The following RREB1 variants were observed in gnomAD, a reference collection of about 807,000 sequenced individuals.
RREB1 encodes ras responsive element binding protein 1, also known as ras-responsive element-binding protein 1.
RREB1 carries 27 observed loss-of-function variants against 117.8 expected under a neutral mutation model. The ratio of observed to expected loss-of-function variants is 0.23; its 90% CI spans 0.17 to 0.32. The LOEUF (loss-of-function observed/expected upper bound fraction) is 0.32. RREB1 is among the 10% of genes least tolerant of loss of function. The pLI is 1.00. For missense variants in RREB1, 2,577 were observed against 2,378.2 expected (o/e 1.08, Z -1.74); for synonymous variants, 1,298 against 1,026.7 (o/e 1.26, Z -5.05).
intron 1 of RREB1, chr6:7,108,828 G>A (rs1341686951): frequency 6.6e-6 from 1 of 151,780 alleles, no homozygotes; most frequent in African/African-American, 2.4e-5. Flanking sequence ...CCGGCCGGGA[G>A]GGGGCCGCGG....
Position 7,232,075 on chromosome 6 carries a change from A to G in RREB1, c.3808+168A>G, listed in dbSNP as rs145054517. On this transcript the variant is annotated intron_variant, in intron 10 of 12. Coordinates refer to ENST00000379938, the MANE Select transcript of RREB1 (RefSeq NM_001003699.4). ...CTTGTCTGGTGGTGCTGTATTTCCTATGTGCTCTCAGTACCCACATGGCCT... is the reference window on the plus strand; with the variant it reads ...CTTGTCTGGTGGTGCTGTATTTCCTGTGTGCTCTCAGTACCCACATGGCCT... Among the ~76,000 whole-genome samples, 256 of 152,160 alleles carry G rather than the reference A, an allele frequency of 1.7e-3. 2 individuals are homozygous for G. Among genetic ancestry groups the G allele is most frequent in the African/African-American group, 5.6e-3 (232 of 41,520 alleles).
chr6:7,132,129 A>T (rs1429171992), intron 1 of RREB1, among the ~76,000 whole-genome samples: 1 of 152,116 alleles, frequency 6.6e-6, no homozygotes, highest in Non-Finnish European at 1.5e-5. Flanking sequence ...ATCTCGGCTC[A>T]CTGCAGCCTC....
chr6:7,234,747 G>A (rs1443570684), intron 10 of RREB1, among the ~76,000 whole-genome samples: 1 of 152,226 alleles, frequency 6.6e-6, no homozygotes, highest in African/African-American at 2.4e-5. Context: ...TGTCATCCAT[G>A]TGTTGCCACA....
intron 10 of RREB1, among the ~76,000 whole-genome samples, chr6:7,238,056 A>G (rs1768455169): frequency 6.6e-6 from 1 of 152,242 alleles, no homozygotes; most frequent in Admixed American, 6.5e-5. Context: ...TTTGAAATCA[A>G]GAATCCTATC....
intron 3 of RREB1, 180 bp from the exon 4 acceptor site, chr6:7,181,690 A>G (rs1033329767): frequency 2.2e-5 from 14 of 631,352 alleles, no homozygotes; most frequent in Admixed American, 8.6e-5. Context: ...TGGTATGCCA[A>G]GACTTGGTTT....
At position 7,189,630 on chromosome 6, in the gene RREB1, T is replaced by C. The variant is rs139503965; in HGVS notation, c.425+308T>C. ...AGATTATCACATGTAAGAGAGGAAC[T>C]CTCCATGAGTAGCATCCACGTAACC... On this transcript the variant is annotated intron_variant, in intron 6 of 12. Coordinates refer to ENST00000379938, the MANE Select transcript of RREB1 (RefSeq NM_001003699.4). Among the ~76,000 whole-genome samples, 20 of 152,124 alleles carry C rather than the reference T, an allele frequency of 1.3e-4. No individual in the cohort carries two copies. In the East Asian group the frequency reaches 3.9e-3, roughly 29 times the overall value.
chr6:7,230,274 C>T lies in RREB1; in HGVS notation c.2175C>T (p.Ala725=), dbSNP rs1043377548. Residue 725 remains alanine, a synonymous_variant, in exon 10 of 13, where the codon GCC becomes GCT. Transcript: ENST00000379938. ...ACCTGCGCAAGAAGCACCTCAAGGC[C>T]ACCCGCAAGGATATCGAGAAGAACA... ...ERHLRKKHLK[A]TRKDIEKNIE... 2 of 1,598,840 alleles carry T rather than the reference C, an allele frequency of 1.3e-6. No homozygotes were observed. The highest frequency in any genetic ancestry group is 1.7e-6 in the Non-Finnish European group (2 of 1,178,656).
chr6:7,234,432 T>A (rs1175769476), intron 10 of RREB1, among the ~76,000 whole-genome samples: 1 of 152,144 alleles, frequency 6.6e-6, no homozygotes, highest in Non-Finnish European at 1.5e-5. Context: ...TTTTTAAGAG[T>A]TGTGCCCATG....
intron 5 of RREB1, among the ~76,000 whole-genome samples, chr6:7,188,225 A>ATGTGTG (rs1765190705): frequency 2.0e-5 from 1 of 49,876 alleles, no homozygotes; most frequent in Admixed American, 2.4e-4. Context: ...TCCCCCCCAC[A>ATGTGTG]CGTGTGTGTG....
At chr6:7,153,844 A>G (rs966048916) in intron 1 of RREB1, among the ~76,000 whole-genome samples, 1 of 152,192 alleles carries the variant, frequency 6.6e-6, no homozygotes, top group Non-Finnish European at 1.5e-5. Flanking sequence ...GCTCTCTAGT[A>G]TAGCTCCCTT....
chr6:7,115,978 T>C (rs890513473), intron 1 of RREB1, among the ~76,000 whole-genome samples: 1 of 152,154 alleles, frequency 6.6e-6, no homozygotes, highest in African/African-American at 2.4e-5. Context: ...GCATTGGCTG[T>C]TCTATCGTTT....
intron 9 of RREB1, among the ~76,000 whole-genome samples, 153 bp from the exon 10 acceptor site, chr6:7,228,844 G>C (rs1767740435): frequency 6.6e-6 from 1 of 151,998 alleles, no homozygotes; most frequent in Non-Finnish European, 1.5e-5. Flanking sequence ...ACGGGATCTT[G>C]CTATATTGCC....
rs1387437698 is a variant in RREB1 at position 7,250,503 on chromosome 6, C to T, written c.*1535C>T. 1 of 151,948 alleles carries T rather than the reference C, an allele frequency of 6.6e-6. No homozygotes were observed. The highest frequency in any genetic ancestry group is 1.5e-5 in the Non-Finnish European group (1 of 67,986). 9.4% of individuals were successfully genotyped at this position (151,948 alleles called of 1,614,324 possible). On this transcript the variant is annotated 3_prime_UTR_variant, in exon 13 of 13. Coordinates refer to ENST00000379938, the MANE Select transcript of RREB1 (RefSeq NM_001003699.4). Reference sequence around the variant, plus strand: ...GGGAGGAGAATGTACCCCACTGCACCTGAGCTCCTGGTCCCTCAGCCAAGA... The same window carrying T: ...GGGAGGAGAATGTACCCCACTGCACTTGAGCTCCTGGTCCCTCAGCCAAGA...
chr6:7,126,488 T>C (rs750638296), intron 1 of RREB1, among the ~76,000 whole-genome samples: 32 of 151,150 alleles, frequency 2.1e-4, no homozygotes, highest in Non-Finnish European at 3.5e-4. Flanking sequence ...AGGCTGGTCT[T>C]AAACTCCTGA....
intron 6 of RREB1, among the ~76,000 whole-genome samples, chr6:7,191,857 A>G (rs1444026557): frequency 6.6e-6 from 1 of 152,130 alleles, no homozygotes; most frequent in Non-Finnish European, 1.5e-5. Flanking sequence ...TCCTTATCCT[A>G]TATCATGTCT....
chr6:7,213,420 G>GCCTC (rs1179321023), intron 8 of RREB1: 4 of 152,122 alleles, frequency 2.6e-5, no homozygotes, highest in African/African-American at 4.8e-5. Flanking sequence ...CCCCATCTTG[G>GCCTC]CCTCCTAAAG....
chr6:7,188,010 A>G (rs1054571563), intron 5 of RREB1, among the ~76,000 whole-genome samples: 2 of 151,982 alleles, frequency 1.3e-5, no homozygotes, highest in African/African-American at 4.8e-5. Flanking sequence ...CTCTACCAAA[A>G]ATGCAAAAAT....
chr6:7,156,383 C>T (rs921823373), intron 1 of RREB1, among the ~76,000 whole-genome samples: 5 of 152,202 alleles, frequency 3.3e-5, no homozygotes, highest in African/African-American at 1.2e-4. Flanking sequence ...TGAACTCACA[C>T]TAATTGAATC....
chr6:7,247,494 C>T (rs1465481804), intron 12 of RREB1, among the ~76,000 whole-genome samples: 1 of 152,178 alleles, frequency 6.6e-6, no homozygotes, highest in Non-Finnish European at 1.5e-5. Flanking sequence ...CTGCCTCCGC[C>T]TCCCCATCTG....
Sources: gnomAD v4.1 joint callset for allele counts (sites outside exome capture counted in the v4.1 genomes callset) on GRCh38, gnomAD v4.1.1 for gene constraint, MANE v1.5 for transcripts, NCBI Gene and HGNC (gene_info 2026-07-23, HGNC 2026-07-21) for gene names.